The following SRGAP3 variants were observed in gnomAD, a reference collection of about 807,000 sequenced individuals.
The protein encoded by SRGAP3 is SLIT-ROBO Rho GTPase-activating protein 3.
A neutral mutation model predicts 121.1 loss-of-function variants in SRGAP3; 39 were observed. That is an observed-to-expected ratio of 0.32 (90% CI 0.25 to 0.42). The LOEUF is 0.42. Among genes scored for constraint, SRGAP3 ranks in the 10% least tolerant of loss-of-function variants. SRGAP3 has a pLI of 1.00. For missense variants in SRGAP3, 1,213 were observed against 1,470.6 expected (o/e 0.82, Z 2.86); for synonymous variants, 601 against 570.0 (o/e 1.05, Z -0.77).
chr3:8,992,205 GA>G (rs535079623), intron 20 of SRGAP3, among the ~76,000 whole-genome samples: 1 of 152,058 alleles, frequency 6.6e-6, no homozygotes, highest in Non-Finnish European at 1.5e-5. Flanking sequence ...CCCTCCACTG[GA>G]AAAAACATAG....
intron 4 of SRGAP3, among the ~76,000 whole-genome samples, chr3:9,072,313 T>C (rs540219569): frequency 6.6e-6 from 1 of 152,340 alleles, no homozygotes; most frequent in East Asian, 1.9e-4. Context: ...GTAGATTTCA[T>C]CACCCCCTCT....
intron 1 of SRGAP3, among the ~76,000 whole-genome samples, chr3:9,231,131 CT>C (rs1953194706): frequency 6.6e-6 from 1 of 152,166 alleles, no homozygotes; most frequent in South Asian, 2.1e-4. Flanking sequence ...GAAATAGGGA[CT>C]TTGTGGTTTA....
At position 9,286,986 on chromosome 3, in the gene SRGAP3, C is replaced by CTTTTT. The variant is rs36096507; in HGVS notation, n.442+39019_442+39023dup. Among the ~76,000 whole-genome samples, 722 of 79,138 alleles carry CTTTTT rather than the reference C, an allele frequency of 9.1e-3. 25 individuals carry two copies. The highest frequency in any genetic ancestry group is 0.015 in the African/African-American group (286 of 19,066). 51.9% of individuals were successfully genotyped at this position (79,138 alleles called of 152,430 possible). ...TTTGCCTTGTCCACACACTGACACTCTTTTTTTTTTTTTTTTTTTTTTTGG... is the reference window on the plus strand; with the variant it reads ...TTTGCCTTGTCCACACACTGACACTCTTTTTTTTTTTTTTTTTTTTTTTTTTTTGG... On this transcript the variant is annotated intron_variant and non_coding_transcript_variant, in intron 3 of 3. Coordinates refer to the SRGAP3 transcript ENST00000490889.
At chr3:9,300,969 A>C (rs1955044990) in intron 3 of SRGAP3, among the ~76,000 whole-genome samples, 1 of 152,116 alleles carries the variant, frequency 6.6e-6, no homozygotes, top group Non-Finnish European at 1.5e-5. Flanking sequence ...AAGCTTAGCA[A>C]CCTGGCTGCC....
intron 18 of SRGAP3, among the ~76,000 whole-genome samples, chr3:8,997,660 C>T (rs1315408560): frequency 1.3e-5 from 2 of 152,122 alleles, no homozygotes; most frequent in Non-Finnish European, 2.9e-5. Context: ...CTCCAACATC[C>T]TAGTATGACA....
intron 21 of SRGAP3, among the ~76,000 whole-genome samples, chr3:8,986,564 A>G (rs1164056536): frequency 1.3e-5 from 2 of 152,210 alleles, no homozygotes; most frequent in African/African-American, 4.8e-5. Flanking sequence ...GCCCAAGGTC[A>G]CACAGCTAAT....
intron 1 of SRGAP3, among the ~76,000 whole-genome samples, chr3:9,337,863 A>C (rs1955717762): frequency 6.6e-6 from 1 of 152,238 alleles, no homozygotes; most frequent in South Asian, 2.1e-4. Context: ...AGGCATATTA[A>C]CACATCAAAG....
intron 1 of SRGAP3, among the ~76,000 whole-genome samples, chr3:9,126,648 A>ACT (rs879623892): frequency 0.015 from 1,994 of 129,138 alleles, 20 homozygotes; most frequent in South Asian, 0.037. Context: ...TAACTAACTA[A>ACT]ATAAATAAAT....
chr3:9,046,048 T>A (rs1377830342), intron 10 of SRGAP3, among the ~76,000 whole-genome samples: 1 of 152,058 alleles, frequency 6.6e-6, no homozygotes, highest in Non-Finnish European at 1.5e-5. Context: ...TACTGAAATG[T>A]CGGGATGGGT....
At chr3:9,120,244 G>A (rs777466713) in intron 2 of SRGAP3, among the ~76,000 whole-genome samples, 8 of 152,314 alleles carry the variant, frequency 5.3e-5, no homozygotes, top group Admixed American at 1.3e-4. Flanking sequence ...ATCAGAGTAC[G>A]ACGGGCACAC....
chr3:8,993,135 G>A (rs1047618293), intron 19 of SRGAP3, 80 bp from the exon 20 acceptor site: 1 of 1,598,030 alleles, frequency 6.3e-7, no homozygotes, highest in Non-Finnish European at 8.5e-7. Context: ...ATATGTGTCT[G>A]AGGGGCTGAA....
chr3:9,186,494 A>C (rs1951598528), intron 1 of SRGAP3, among the ~76,000 whole-genome samples: 1 of 152,224 alleles, frequency 6.6e-6, no homozygotes, highest in Non-Finnish European at 1.5e-5. Context: ...TCTCTTATGA[A>C]ATACCTACCA....
intron 1 of SRGAP3, among the ~76,000 whole-genome samples, chr3:9,337,828 A>G (rs1385998077): frequency 6.6e-6 from 1 of 152,276 alleles, no homozygotes; most frequent in African/African-American, 2.4e-5. Flanking sequence ...GTGAAAATAC[A>G]TGTCTTGGAA....
chr3:9,146,029 C>CTTAG (rs1950012840), intron 1 of SRGAP3, among the ~76,000 whole-genome samples: 1 of 152,190 alleles, frequency 6.6e-6, no homozygotes, highest in Non-Finnish European at 1.5e-5. Context: ...TGTTCAGGGG[C>CTTAG]TTAGGCCTTA....
At chr3:9,011,954 CTAAT>C (rs1943400942) in intron 17 of SRGAP3, among the ~76,000 whole-genome samples, 1 of 152,204 alleles carries the variant, frequency 6.6e-6, no homozygotes, top group Non-Finnish European at 1.5e-5. Context: ...TCCCAGAACA[CTAAT>C]TACATATATT....
chr3:9,214,772 G>A (rs934742955), intron 1 of SRGAP3, among the ~76,000 whole-genome samples: 1 of 152,178 alleles, frequency 6.6e-6, no homozygotes, highest in Non-Finnish European at 1.5e-5. Context: ...AATAAAAAGA[G>A]TGATGAAAAA....
rs567788328 is a variant in SRGAP3 at position 9,090,233 on chromosome 3, G to T, written c.424-10146C>A. On this transcript the variant is annotated intron_variant, in intron 3 of 21. Coordinates refer to ENST00000383836, the MANE Select transcript of SRGAP3 (RefSeq NM_014850.4). ...TAATTTCCCAACAATTAGAGCACACGCACCCTAAAGACCAGATCCCTGGCT... is the reference window on the plus strand; with the variant it reads ...TAATTTCCCAACAATTAGAGCACACTCACCCTAAAGACCAGATCCCTGGCT... Among the ~76,000 whole-genome samples, 9 of 152,188 alleles carry T rather than the reference G, an allele frequency of 5.9e-5. 1 individual carries two copies. In the South Asian group the frequency reaches 1.7e-3, roughly 28 times the overall value.
At chr3:9,214,691 A>G (rs1166123276) in intron 1 of SRGAP3, among the ~76,000 whole-genome samples, 5 of 152,256 alleles carry the variant, frequency 3.3e-5, no homozygotes, top group Admixed American at 2.0e-4. Context: ...CAGATGTCCT[A>G]TCTCGGTTTT....
chr3:9,362,162 C>CTTTTT (rs36036357), intron 1 of SRGAP3, among the ~76,000 whole-genome samples: 6 of 90,958 alleles, frequency 6.6e-5, no homozygotes, highest in African/African-American at 2.4e-4. Context: ...AGGTTCAACT[C>CTTTTT]TTTTTTTTTT....
Sources: gnomAD v4.1 joint callset for allele counts (sites outside exome capture counted in the v4.1 genomes callset) on GRCh38, gnomAD v4.1.1 for gene constraint, MANE v1.5 for transcripts, NCBI Gene and HGNC (gene_info 2026-07-23, HGNC 2026-07-21) for gene names.